The following GALNT5 variants were observed in gnomAD, a reference collection of about 807,000 sequenced individuals.
The protein encoded by GALNT5 is polypeptide N-acetylgalactosaminyltransferase 5, also known as UDP-GalNAc:polypeptide N-acetylgalactosaminyltransferase 5.
GALNT5 carries 72 observed loss-of-function variants against 85.4 expected under a neutral mutation model. That is an observed-to-expected ratio of 0.84 (90% confidence interval 0.70 to 1.03). The LOEUF (loss-of-function observed/expected upper bound fraction) is 1.03. Ranked by LOEUF, GALNT5 falls within the 50% of genes least tolerant of loss-of-function variation. The probability of loss-of-function intolerance (pLI) is 0.00; values close to 1 mark genes in which losing one functional copy is unlikely to be tolerated. For missense variants in GALNT5, 1,137 were observed against 1,135.5 expected (o/e 1.00, Z -0.02); for synonymous variants, 404 against 397.0 (o/e 1.02, Z -0.21).
At position 157,317,125 on chromosome 2, in the gene GALNT5, G is replaced by C. The variant is rs924214178; in HGVS notation, c.*5777G>C. On this transcript the variant is annotated 3_prime_UTR_variant, in exon 10 of 10. Transcript: ENST00000259056. Reference sequence around the variant, plus strand: ...TTTCATAGCATGAATAGATTTTTAAGTGACCACTCAAAAACATAGCAATTT... The same window carrying C: ...TTTCATAGCATGAATAGATTTTTAACTGACCACTCAAAAACATAGCAATTT... Among the ~76,000 whole-genome samples the C allele has an allele frequency of 6.7e-6, 1 of 148,330 alleles. No homozygotes were observed. The highest frequency in any genetic ancestry group is 2.5e-5 in the African/African-American group (1 of 40,514).
intron 1 of GALNT5, among the ~76,000 whole-genome samples, chr2:157,260,834 T>C (rs1432723560): frequency 2.6e-5 from 4 of 151,918 alleles, no homozygotes; most frequent in South Asian, 4.2e-4. Context: ...CTATCAGCCA[T>C]GCACTGCTTA....
intron 1 of GALNT5, among the ~76,000 whole-genome samples, chr2:157,277,914 C>T (rs991031351): frequency 2.6e-5 from 4 of 152,180 alleles, no homozygotes; most frequent in African/African-American, 9.7e-5. Context: ...TTCTTCATAG[C>T]ATCGATGGTC....
Position 157,310,224 on chromosome 2 carries a change from C to T in GALNT5, c.2683-984C>T, listed in dbSNP as rs139666223. ...TATGACTTTGGAACATTTTACACAG[C>T]TGCCTTCTGTCTTGGGTTTCCCTTT... On this transcript the variant is annotated intron_variant, in intron 9 of 9. Transcript: ENST00000259056. Among the ~76,000 whole-genome samples the T allele has an allele frequency of 1.8e-3, 280 of 152,338 alleles. 1 individual carries two copies. Among genetic ancestry groups the T allele is most frequent in the African/African-American group, 6.5e-3 (271 of 41,584 alleles).
At position 157,259,455 on chromosome 2, in the gene GALNT5, G is replaced by T. The variant is rs1445159449; in HGVS notation, c.1373G>T (p.Arg458Ile). The change falls in exon 1 of 10, where the codon AGA (arginine) becomes ATA (isoleucine). Residue 458 changes from arginine to isoleucine, a missense_variant. Physicochemically the swap from Arg to Ile is moderately conservative, Grantham distance 97. Coordinates refer to ENST00000259056, the MANE Select transcript of GALNT5 (RefSeq NM_014568.3). ...PHGKEKEAERRWKEGNFNVYL... is the reference protein window; with the variant it reads ...PHGKEKEAERIWKEGNFNVYL... ...GGAAAGGAGAAGGAGGCAGAAAGAA[G>T]ATGGAAAGAAGGAAACTTCAATGTC... is the stretch of plus-strand genomic sequence containing the variant. The T allele has an allele frequency of 6.8e-7, 1 of 1,464,042 alleles. No homozygotes were observed. The highest frequency in any genetic ancestry group is 9.0e-7 in the Non-Finnish European group (1 of 1,106,068). The allele number at this position is 1,464,042 out of a possible 1,614,324, so 90.7% of individuals were successfully genotyped here. A position where few individuals can be genotyped will look rare whatever the true frequency, so the allele number is the denominator to read the frequency against.
At chr2:157,270,143 A>G (rs1682550092) in intron 1 of GALNT5, among the ~76,000 whole-genome samples, 1 of 152,144 alleles carries the variant, frequency 6.6e-6, no homozygotes. Flanking sequence ...CCTGACCCAG[A>G]GCCCATGCCG....
chr2:157,312,136 G>T lies in GALNT5; in HGVS notation c.*788G>T, dbSNP rs915199336. 2.0e-5 allele frequency: 3 copies of T among 152,006 alleles called. No individual in the cohort carries two copies. Among genetic ancestry groups the T allele is most frequent in the African/African-American group, 7.3e-5 (3 of 41,364 alleles). The allele number at this position is 152,006 out of a possible 1,614,324, so 9.4% of individuals were successfully genotyped here. On this transcript the variant is annotated 3_prime_UTR_variant, in exon 10 of 10. Coordinates refer to ENST00000259056, the MANE Select transcript of GALNT5 (RefSeq NM_014568.3). ...ATTTTTTTTAAGGCAATGAAAAAAG[G>T]CTGGATTATAACACACTGTAGTAAT...
intron 3 of GALNT5, 100 bp downstream of exon 3, chr2:157,286,234 AT>A (rs1682968363): frequency 1.6e-5 from 14 of 892,648 alleles, no homozygotes; most frequent in Non-Finnish European, 2.3e-5. Context: ...AATGATGCCT[AT>A]ATATGCATCA....
intron 1 of GALNT5, among the ~76,000 whole-genome samples, chr2:157,278,677 G>A (rs765059151): frequency 1.3e-5 from 2 of 152,070 alleles, no homozygotes; most frequent in Non-Finnish European, 2.9e-5. Context: ...GCCATTTCAG[G>A]TCTTCTCTAC....
At chr2:157,310,675 T>A (rs1457373290) in intron 9 of GALNT5, among the ~76,000 whole-genome samples, 1 of 152,200 alleles carries the variant, frequency 6.6e-6, no homozygotes, top group Non-Finnish European at 1.5e-5. Flanking sequence ...AGCAATAATA[T>A]AACTTTCTTT....
chr2:157,267,792 A>T (rs755715614), intron 1 of GALNT5, among the ~76,000 whole-genome samples: 3 of 152,226 alleles, frequency 2.0e-5, no homozygotes. Flanking sequence ...TTTGGAGTAG[A>T]AGTGATGAGT....
In GALNT5 at chr2:157,308,745, T is replaced by C. The variant is rs1683507680; in HGVS notation, c.2682+17T>C. 1.3e-6 allele frequency: 2 copies of C among 1,591,438 alleles called. No homozygotes were observed. Among genetic ancestry groups the C allele is most frequent in the Non-Finnish European group, 1.7e-6 (2 of 1,168,202 alleles). On this transcript the variant is annotated intron_variant, in intron 9 of 9. Transcript: ENST00000259056. ...CCAGAACTGGTAAGCAAAAGATTGG[T>C]ACCTCTTCTTTACCACAAATTTGAC...
Position 157,311,982 on chromosome 2 carries a change from AAGTG to A in GALNT5, c.*637_*640del, listed in dbSNP as rs1402570479. On this transcript the variant is annotated 3_prime_UTR_variant, in exon 10 of 10. Transcript: ENST00000259056. Reference sequence around the variant, plus strand: ...AATCTGAATCAGTGGAAAAAAATTTAAGTGAGGAAGAAGAGGCCTTCAAATGCTT... The same window carrying A: ...AATCTGAATCAGTGGAAAAAAATTTAAGGAAGAAGAGGCCTTCAAATGCTT... 1.3e-4 allele frequency: 20 copies of A among 152,304 alleles called. No homozygotes were observed. Among genetic ancestry groups the A allele is most frequent in the African/African-American group, 4.8e-4 (20 of 41,576 alleles). 9.4% of individuals were successfully genotyped at this position (152,304 alleles called of 1,614,324 possible).
At position 157,273,921 on chromosome 2, in the gene GALNT5, C is replaced by A. The variant is rs886962387; in HGVS notation, c.1455-10361C>A. ...ACATGTGCCATGTTGGTTTGCTGCA[C>A]CCATCAACTCGTCATTTACATTAGG... On this transcript the variant is annotated intron_variant, in intron 1 of 9. Transcript: ENST00000259056. Among the ~76,000 whole-genome samples the A allele has an allele frequency of 2.0e-5, 3 of 151,886 alleles. No individual in the cohort carries two copies. The East Asian group carries it at 5.8e-4, about 29-fold the overall frequency.
At chr2:157,269,733 G>C (rs1682539888) in intron 1 of GALNT5, among the ~76,000 whole-genome samples, 1 of 151,960 alleles carries the variant, frequency 6.6e-6, no homozygotes, top group Non-Finnish European at 1.5e-5. Context: ...GCACTTTTTA[G>C]AACTTCCTTC....
intron 3 of GALNT5, among the ~76,000 whole-genome samples, chr2:157,292,096 A>T (rs1178448443): frequency 6.6e-6 from 1 of 152,238 alleles, no homozygotes; most frequent in African/African-American, 2.4e-5. Flanking sequence ...AAGAATTTAG[A>T]TATCAGGTAG....
At chr2:157,283,653 T>G (rs1431411684) in intron 1 of GALNT5, among the ~76,000 whole-genome samples, 1 of 152,034 alleles carries the variant, frequency 6.6e-6, no homozygotes, top group African/African-American at 2.4e-5. Context: ...CCATGGCAGT[T>G]GGCAGACAGC....
At chr2:157,265,507 C>T (rs1407045197) in intron 1 of GALNT5, among the ~76,000 whole-genome samples, 1 of 152,168 alleles carries the variant, frequency 6.6e-6, no homozygotes, top group Non-Finnish European at 1.5e-5. Flanking sequence ...CTCCTAAATA[C>T]TGTGAAAGCC....
Position 157,308,653 on chromosome 2 carries a change from G to C in GALNT5, c.2607G>C (p.Arg869Ser), listed in dbSNP as rs1489441451. ...IAPIPDKGAVRLHPCDNRNKG... is the reference protein window; with the variant it reads ...IAPIPDKGAVSLHPCDNRNKG... ...CCATCCCTGATAAAGGAGCCGTAAG[G>C]CTGCACCCTTGTGATAACAGAAACA... The change falls in exon 9 of 10, where the codon AGG becomes AGC. Residue 869 changes from arginine to serine, a missense_variant. Physicochemically the swap from Arg to Ser is moderately radical, Grantham distance 110. Coordinates refer to ENST00000259056, the MANE Select transcript of GALNT5 (RefSeq NM_014568.3). 8.7e-6 allele frequency: 14 copies of C among 1,613,838 alleles called. No individual in the cohort carries two copies. Among genetic ancestry groups the C allele is most frequent in the Non-Finnish European group, 1.2e-5 (14 of 1,179,728 alleles).
chr2:157,311,200 C>T lies in GALNT5; in HGVS notation c.2683-8C>T, dbSNP rs189352596. The T allele has an allele frequency of 1.2e-5, 19 of 1,603,878 alleles. No homozygotes were observed. The highest frequency in any genetic ancestry group is 1.6e-5 in the Non-Finnish European group (19 of 1,174,204). On this transcript the variant is annotated splice_region_variant and splice_polypyrimidine_tract_variant and intron_variant, in intron 9 of 9. Coordinates refer to ENST00000259056, the MANE Select transcript of GALNT5 (RefSeq NM_014568.3). ...TGTGGCTCATTCCCAGCTCTTCTTT[C>T]TCTCCAGGTGAATCACATTGTTTTT... is the stretch of plus-strand genomic sequence containing the variant.
Sources: allele counts gnomAD v4.1 joint callset (sites outside exome capture counted in the v4.1 genomes callset), GRCh38; gene constraint gnomAD v4.1.1; transcripts MANE v1.5; gene names NCBI Gene and HGNC (gene_info 2026-07-23, HGNC 2026-07-21).